CASP10: variants seen among roughly 807,000 people sequenced by gnomAD.
CASP10 encodes caspase-10.
In CASP10, 41 loss-of-function variants were observed where a neutral mutation model predicts 48.5. That is an observed-to-expected ratio of 0.85 (90% confidence interval 0.66 to 1.10). The LOEUF (loss-of-function observed/expected upper bound fraction) is 1.10. CASP10 is among the 50% of genes least tolerant of loss of function. The pLI is 0.00. For synonymous variants in CASP10, 232 were observed against 238.4 expected, an observed-to-expected ratio of 0.97 and a Z score of 0.25; for missense variants, 614 against 614.5, an observed-to-expected ratio of 1.00 and a Z score of 0.01.
chr2:201,224,584 A>T (rs1559318738), downstream of CASP10, among the ~76,000 whole-genome samples: 1 of 152,194 alleles, frequency 6.6e-6, no homozygotes, highest in Non-Finnish European at 1.5e-5. Flanking sequence ...CTGTATACCC[A>T]GTCCTCCCCA....
At chr2:201,190,310 GCA>G (rs775079388) in intron 3 of CASP10, among the ~76,000 whole-genome samples, 23 of 151,424 alleles carry the variant, frequency 1.5e-4, no homozygotes, top group Admixed American at 3.3e-4. Context: ...ACACACACAT[GCA>G]CACACACACA....
Position 201,218,572 on chromosome 2 carries a change from G to A in CASP10, c.*831G>A. The A allele has an allele frequency of 5.1e-6, 5 of 982,568 alleles. No individual in the cohort carries two copies. The highest frequency in any genetic ancestry group is 2.4e-6 in the Non-Finnish European group (2 of 827,380). The allele number at this position is 982,568 out of a possible 1,614,324, so 60.9% of individuals were successfully genotyped here. ...CCACCTCAGCTTCTCAAAGTTCTGG[G>A]ACTACAGGCATGAAATACTGTGCCT... On this transcript the variant is annotated 3_prime_UTR_variant, in exon 10 of 10. Transcript: ENST00000286186.
chr2:201,204,320 G>A (rs1298219421), intron 6 of CASP10, among the ~76,000 whole-genome samples: 1 of 152,064 alleles, frequency 6.6e-6, no homozygotes, highest in East Asian at 1.9e-4. Context: ...GTCTTTCTGT[G>A]GTATGTAAAG....
rs1341025569 is a variant in CASP10, at chr2:201,193,427, C to T, written c.577+308C>T. The T allele has an allele frequency of 1.6e-4, 55 of 346,500 alleles. 1 individual carries two copies. The highest frequency in any genetic ancestry group is 1.6e-4 in the Non-Finnish European group (28 of 177,128). The allele number at this position is 346,500 out of a possible 1,614,324, so 21.5% of individuals were successfully genotyped here. Reference sequence around the variant, plus strand: ...TTCACTATGTTGGCCAGGCTGGTCTCGAACTCCTGACCTCAAGTGATCCAC... The same window carrying T: ...TTCACTATGTTGGCCAGGCTGGTCTTGAACTCCTGACCTCAAGTGATCCAC... On this transcript the variant is annotated intron_variant, in intron 4 of 9. Transcript: ENST00000286186.
chr2:201,209,593 A>T, intron 9 of CASP10, 31 bp downstream of exon 9: 1 of 1,585,538 alleles, frequency 6.3e-7, no homozygotes, highest in Middle Eastern at 1.8e-4. Context: ...TCCATTTGTA[A>T]TTAATTAGTT....
rs1945269416 is a variant in CASP10, at chr2:201,208,109, G to C, written c.848G>C (p.Arg283Thr). Residue 283 changes from arginine (R) to threonine (T), a missense_variant, in exon 8 of 10, where the codon AGA becomes ACA. By Grantham distance (71) the Arg-to-Thr change is moderately conservative. Coordinates refer to ENST00000286186, the MANE Select transcript of CASP10 (RefSeq NM_032977.4). The part of the protein sequence containing the change: ...AAVYRMNRNH[R>T]GLCVIVNNHS... ...GTGTACAGGATGAATCGGAACCACA[G>C]AGGCCTCTGTGTCATTGTCAACAAC... is the stretch of plus-strand genomic sequence containing the variant. 1 of 1,613,970 alleles carries C rather than the reference G, an allele frequency of 6.2e-7. No homozygotes were observed. The highest frequency in any genetic ancestry group is 1.3e-5 in the African/African-American group (1 of 75,012).
Position 201,186,017 on chromosome 2 carries a change from A to G in CASP10, c.240A>G (p.Ala80=), listed in dbSNP as rs1315710845. Residue 80 remains alanine (A), a synonymous_variant, in exon 2 of 10, where the codon GCA becomes GCG. Coordinates refer to ENST00000286186, the MANE Select transcript of CASP10 (RefSeq NM_032977.4). ...GTGAGGAAGACCCTTTCTTCCTGGCAGAACTCCTCTATATCATACGGCAGA... is the reference window on the plus strand; with the variant it reads ...GTGAGGAAGACCCTTTCTTCCTGGCGGAACTCCTCTATATCATACGGCAGA... ...LLSEEDPFFL[A]ELLYIIRQKK... is the part of the protein sequence containing the mutation. The G allele has an allele frequency of 6.2e-7, 1 of 1,613,378 alleles. No homozygotes were observed. The highest frequency in any genetic ancestry group is 8.5e-7 in the Non-Finnish European group (1 of 1,179,978).
chr2:201,206,196 G>C, intron 7 of CASP10: 2 of 438,250 alleles, frequency 4.6e-6, no homozygotes, highest in Non-Finnish European at 8.3e-6. Flanking sequence ...CCCTTTGACT[G>C]TGGAGGAAAT....
intron 1 of CASP10, among the ~76,000 whole-genome samples, chr2:201,184,591 T>A (rs1482982894): frequency 6.6e-6 from 1 of 152,262 alleles, no homozygotes; most frequent in Non-Finnish European, 1.5e-5. Context: ...CCCAAAGTGC[T>A]GGGATTATAG....
chr2:201,187,981 C>T (rs546153522), intron 3 of CASP10, among the ~76,000 whole-genome samples, 182 bp downstream of exon 3: 9 of 152,274 alleles, frequency 5.9e-5, no homozygotes, highest in African/African-American at 2.2e-4. Context: ...ATTCTAAACC[C>T]ATGCTGTGAG....
At chr2:201,217,222 G>A (rs1457095955) in intron 9 of CASP10, among the ~76,000 whole-genome samples, 1 of 152,084 alleles carries the variant, frequency 6.6e-6, no homozygotes, top group African/African-American at 2.4e-5. Flanking sequence ...ATGGTACCTG[G>A]TGTCTTTTCT....
At chr2:201,213,744 C>T (rs189805812) in intron 9 of CASP10, 1 of 152,302 alleles carries the variant, frequency 6.6e-6, no homozygotes, top group East Asian at 1.9e-4. Context: ...GGTAAAACTT[C>T]AGGGGGTTTG....
At position 201,219,702 on chromosome 2, in the gene CASP10, G is replaced by C. The variant is rs368898723; in HGVS notation, c.*1961G>C. The C allele has an allele frequency of 1.1e-6, 1 of 922,440 alleles. No homozygotes were observed. 57.1% of individuals were successfully genotyped at this position (922,440 alleles called of 1,614,324 possible). ...AGATTTTGAGCATTTTTACGTACTT[G>C]AGCTTTTTTTTTTTTTTTTTTCAAT... On this transcript the variant is annotated 3_prime_UTR_variant, in exon 10 of 10. Transcript: ENST00000286186.
intron 9 of CASP10, among the ~76,000 whole-genome samples, chr2:201,211,631 T>G (rs1235058223): frequency 6.6e-6 from 1 of 152,216 alleles, no homozygotes; most frequent in Non-Finnish European, 1.5e-5. Context: ...TTTTGGACCC[T>G]TAGGTTGATT....
chr2:201,217,562 A>T, intron 9 of CASP10, 26 bp from the exon 10 acceptor site: 2 of 1,582,878 alleles, frequency 1.3e-6, no homozygotes, highest in South Asian at 1.1e-5. Flanking sequence ...CCGTAAAAAA[A>T]AATTTTGTTT....
At chr2:201,229,072 A>G (rs1386458630) in exon 10 of CASP10, 1 of 1,614,036 alleles carries the variant, frequency 6.2e-7, no homozygotes, top group African/African-American at 1.3e-5. Context: ...CAGGTGGAGC[A>G]GCGTTTCCTA....
At chr2:201,221,822 A>T (rs1188550375), downstream of CASP10, among the ~76,000 whole-genome samples, 2 of 152,168 alleles carry the variant, frequency 1.3e-5, no homozygotes, top group East Asian at 3.8e-4. Flanking sequence ...GAATCAGGAA[A>T]CGTTGTTTTT....
intron 5 of CASP10, among the ~76,000 whole-genome samples, chr2:201,198,644 C>T (rs763779034): frequency 1.3e-5 from 2 of 149,536 alleles, no homozygotes; most frequent in Non-Finnish European, 3.0e-5. Context: ...GTGTTCACAC[C>T]ATTCTCCTGC....
chr2:201,204,323 A>G (rs1945129645), intron 6 of CASP10, among the ~76,000 whole-genome samples: 1 of 152,212 alleles, frequency 6.6e-6, no homozygotes, highest in Admixed American at 6.5e-5. Context: ...TTTCTGTGGT[A>G]TGTAAAGTTT....
Sources: allele counts gnomAD v4.1 joint callset (sites outside exome capture counted in the v4.1 genomes callset), GRCh38; gene constraint gnomAD v4.1.1; transcripts MANE v1.5; gene names NCBI Gene and HGNC (gene_info 2026-07-23, HGNC 2026-07-21).